Variants in TMEM117 observed in about 807,000 individuals in gnomAD.
TMEM117 encodes transmembrane protein 117.
In TMEM117, 27 loss-of-function variants were observed where a neutral mutation model predicts 52.4. The observed-to-expected ratio is 0.51, with a 90% CI of 0.38 to 0.71. The LOEUF is 0.71. TMEM117 is among the 30% of genes least tolerant of loss of function. TMEM117 has a pLI of 0.00. For synonymous variants in TMEM117, 215 were observed against 206.3 expected (o/e 1.04, Z -0.36); for missense variants, 556 against 630.5 (o/e 0.88, Z 1.26).
chr12:44,264,812 A>G (rs867115827), intron 5 of TMEM117, among the ~76,000 whole-genome samples: 1 of 152,180 alleles, frequency 6.6e-6, no homozygotes, highest in Non-Finnish European at 1.5e-5. Context: ...AATTGAAAAT[A>G]AATAATAATA....
At chr12:44,122,048 CTTTTTTTTT>C (rs201865850) in intron 3 of TMEM117, among the ~76,000 whole-genome samples, 1 of 138,818 alleles carries the variant, frequency 7.2e-6, no homozygotes, top group African/African-American at 2.7e-5. Context: ...CTTTTCTTTT[CTTTTTTTTT>C]TTTTTTGAGA....
chr12:43,875,316 G>A (rs185782295), intron 2 of TMEM117, among the ~76,000 whole-genome samples: 27 of 152,044 alleles, frequency 1.8e-4, no homozygotes, highest in Admixed American at 7.9e-4. Flanking sequence ...AAGGTGTGCC[G>A]GGAGCCATCT....
chr12:44,117,217 T>C (rs1171948018), intron 3 of TMEM117, among the ~76,000 whole-genome samples: 1 of 152,286 alleles, frequency 6.6e-6, no homozygotes, highest in East Asian at 1.9e-4. Context: ...CTCCTTACTT[T>C]TGCATATATT....
upstream of TMEM117, among the ~76,000 whole-genome samples, chr12:43,831,991 G>T (rs1035993616): frequency 7.2e-5 from 11 of 152,262 alleles, no homozygotes; most frequent in African/African-American, 2.6e-4. Context: ...TGAGAGTTTT[G>T]AAAAACTATT....
At chr12:44,349,977 C>T (rs1565743010) in intron 6 of TMEM117, among the ~76,000 whole-genome samples, 1 of 151,874 alleles carries the variant, frequency 6.6e-6, no homozygotes, top group African/African-American at 2.4e-5. Context: ...AATGTCAGTT[C>T]GAGGAAGTGA....
intron 3 of TMEM117, among the ~76,000 whole-genome samples, chr12:44,097,435 A>G (rs192054420): frequency 6.6e-6 from 1 of 152,206 alleles, no homozygotes; most frequent in Non-Finnish European, 1.5e-5. Flanking sequence ...TTGCGGCACT[A>G]TTCACAATAG....
chr12:44,107,784 C>G (rs80193721), intron 3 of TMEM117, among the ~76,000 whole-genome samples: 2,837 of 152,214 alleles, frequency 0.019, 72 homozygotes, highest in East Asian at 0.057. Context: ...TTTCAGAAAG[C>G]AACTTTGTTT....
chr12:44,064,036 T>TG (rs1398087220), intron 3 of TMEM117, among the ~76,000 whole-genome samples: 3 of 152,060 alleles, frequency 2.0e-5, no homozygotes, highest in African/African-American at 7.2e-5. Context: ...ATGGGCCTCC[T>TG]GGGGGGTCTC....
chr12:44,218,583 T>A (rs1203784301), intron 5 of TMEM117, among the ~76,000 whole-genome samples: 1 of 152,102 alleles, frequency 6.6e-6, no homozygotes, highest in African/African-American at 2.4e-5. Context: ...GGTTGCTCAC[T>A]CTCCCCCACT....
intron 3 of TMEM117, among the ~76,000 whole-genome samples, chr12:43,973,526 A>G (rs1033083614): frequency 9.8e-5 from 15 of 152,318 alleles, no homozygotes; most frequent in African/African-American, 3.6e-4. Context: ...CACAGGTGAA[A>G]CCAAGAAGTC....
intron 2 of TMEM117, among the ~76,000 whole-genome samples, chr12:43,926,777 A>G (rs112721941): frequency 2.2e-5 from 3 of 133,540 alleles, no homozygotes; most frequent in African/African-American, 5.4e-5. Flanking sequence ...TCTGCTATCT[A>G]TGTTTGTAGT....
chr12:43,813,759 G>A, the TMEM117 span, among the ~76,000 whole-genome samples: 1 of 152,064 alleles, frequency 6.6e-6, no homozygotes, highest in Non-Finnish European at 1.5e-5. Context: ...AATAGCACAG[G>A]TCTAGCTAAA....
intron 3 of TMEM117, among the ~76,000 whole-genome samples, chr12:44,087,265 A>G (rs866113982): frequency 2.6e-5 from 4 of 152,048 alleles, no homozygotes; most frequent in African/African-American, 9.7e-5. Context: ...TGCCCTAAAA[A>G]TACTCTTTTA....
intron 5 of TMEM117, among the ~76,000 whole-genome samples, chr12:44,299,294 C>A (rs889708551): frequency 6.6e-6 from 1 of 152,158 alleles, no homozygotes; most frequent in African/African-American, 2.4e-5. Flanking sequence ...CTGCGTTTGG[C>A]TAATTTTTTT....
intron 3 of TMEM117, among the ~76,000 whole-genome samples, chr12:43,967,937 G>T (rs1454023272): frequency 6.6e-6 from 1 of 152,200 alleles, no homozygotes; most frequent in Non-Finnish European, 1.5e-5. Flanking sequence ...ATCCTTATGT[G>T]TGAAGGATAA....
At chr12:43,911,935 G>A (rs1317102719) in intron 2 of TMEM117, among the ~76,000 whole-genome samples, 2 of 135,900 alleles carry the variant, frequency 1.5e-5, no homozygotes, top group African/African-American at 5.2e-5. Flanking sequence ...GGAAGTCAGT[G>A]TGGCGATTCC....
At position 43,944,353 on chromosome 12, in the gene TMEM117, T is replaced by A. The variant is rs1945094643; in HGVS notation, c.410+11T>A. 1 of 1,604,894 alleles carries A rather than the reference T, an allele frequency of 6.2e-7. No homozygotes were observed. Among genetic ancestry groups the A allele is most frequent in the African/African-American group, 1.4e-5 (1 of 73,916 alleles). Reference sequence around the variant, plus strand: ...GGATGGGAACATGGGGTAGGTTTTCTTTCCCCTTTCTACTGTGGTGAGTGT... The same window carrying A: ...GGATGGGAACATGGGGTAGGTTTTCATTCCCCTTTCTACTGTGGTGAGTGT... On this transcript the variant is annotated intron_variant, in intron 3 of 7. Coordinates refer to ENST00000266534, the MANE Select transcript of TMEM117 (RefSeq NM_032256.3).
chr12:44,021,265 C>T (rs1412553152), intron 3 of TMEM117, among the ~76,000 whole-genome samples: 2 of 152,124 alleles, frequency 1.3e-5, no homozygotes, highest in African/African-American at 4.8e-5. Flanking sequence ...TCCTCCCATC[C>T]TCCACCCTCA....
intron 5 of TMEM117, among the ~76,000 whole-genome samples, chr12:44,221,699 CCT>C (rs1822089435): frequency 6.6e-6 from 1 of 151,480 alleles, no homozygotes; most frequent in Admixed American, 6.6e-5. Flanking sequence ...TTTAGATCTC[CCT>C]CTTTCTTTTT....
Sources: allele counts gnomAD v4.1 joint callset (sites outside exome capture counted in the v4.1 genomes callset), GRCh38; gene constraint gnomAD v4.1.1; transcripts MANE v1.5; gene names NCBI Gene and HGNC (gene_info 2026-07-23, HGNC 2026-07-21).